BRWD3: variants seen among roughly 807,000 people sequenced by gnomAD.
The protein encoded by BRWD3 is bromodomain and WD repeat-containing protein 3.
In BRWD3, 10 loss-of-function variants were observed where a neutral mutation model predicts 149.7. The observed-to-expected ratio is 0.07, with a 90% confidence interval of 0.04 to 0.11. BRWD3 has a LOEUF of 0.11. BRWD3 is among the 10% of genes least tolerant of loss of function. The probability of loss-of-function intolerance (pLI) is 1.00; values close to 1 mark genes in which losing one functional copy is unlikely to be tolerated. For synonymous variants in BRWD3, 504 were observed against 456.7 expected (o/e 1.10, Z -1.32); for missense variants, 940 against 1,373.2 (o/e 0.68, Z 4.99).
At chrX:80,722,163 A>G (rs1304799611) in intron 17 of BRWD3, among the ~76,000 whole-genome samples, 1 of 111,958 alleles carries the variant, frequency 8.9e-6, no homozygotes, top group East Asian at 2.8e-4. Context: ...GTGGTTTTTC[A>G]AAGTTTCCTC....
At chrX:80,714,021 CTTGAAATAGCCCTGCAAAG>C (rs2073036804) in intron 20 of BRWD3, among the ~76,000 whole-genome samples, 1 of 111,513 alleles carries the variant, frequency 9.0e-6, no homozygotes, top group Admixed American at 9.5e-5. Context: ...TTTGCCATAT[CTTGAAATAGCCCTGCAAAG>C]TTGTCTCTTG....
Position 80,685,531 on chromosome X carries a change from A to G in BRWD3, c.4011T>C (p.His1337=). ...QPADLLSYPG[H]QEQEGESSES... ...CTGAGGATTCTCCCTCTTGCTCCTG[A>G]TGACCCTATTAGGGTGAAGAACATA... Residue 1337 remains histidine, a synonymous_variant, in exon 36 of 41, where the codon CAT becomes CAC. Transcript: ENST00000373275. 8.3e-7 allele frequency: 1 copy of G among 1,201,787 alleles called. No homozygotes were observed. The highest frequency in any genetic ancestry group is 1.1e-6 in the Non-Finnish European group (1 of 887,028).
chrX:80,800,742 C>T (rs1369688030), intron 4 of BRWD3, among the ~76,000 whole-genome samples: 1 of 109,425 alleles, frequency 9.1e-6, no homozygotes. Context: ...AGTGAAAAAC[C>T]GGGCAGGGGA....
At chrX:80,728,594 C>T (rs1474653042) in intron 14 of BRWD3, among the ~76,000 whole-genome samples, 158 bp downstream of exon 14, 1 of 111,284 alleles carries the variant, frequency 9.0e-6, no homozygotes, top group Admixed American at 9.6e-5. Context: ...GCGTGTCATC[C>T]CTATTTTACA....
At chrX:80,773,293 C>T (rs944645059) in intron 6 of BRWD3, among the ~76,000 whole-genome samples, 7 of 111,341 alleles carry the variant, frequency 6.3e-5, no homozygotes, top group African/African-American at 2.3e-4. Flanking sequence ...TTAAGCCAAA[C>T]ATCTCCCGGT....
intron 8 of BRWD3, among the ~76,000 whole-genome samples, chrX:80,742,874 G>T (rs1213973147): frequency 9.0e-6 from 1 of 111,141 alleles, no homozygotes; most frequent in Non-Finnish European, 1.9e-5. Flanking sequence ...TTTCCTAATT[G>T]AATACCCTTT....
chrX:80,681,242 T>C, intron 40 of BRWD3, 99 bp downstream of exon 40: 3 of 863,722 alleles, frequency 3.5e-6, no homozygotes, highest in African/African-American at 2.0e-5. Flanking sequence ...TATAAGGATA[T>C]ACTAGTTTTT....
rs2072348057 is a variant in BRWD3 at position 80,674,616 on chromosome X, A to T, written c.*1993T>A. The T allele has an allele frequency of 8.9e-6, 1 of 111,826 alleles. No homozygotes were observed. Among genetic ancestry groups the T allele is most frequent in the Non-Finnish European group, 1.9e-5 (1 of 53,059 alleles). 9.2% of individuals were successfully genotyped at this position (111,826 alleles called of 1,213,427 possible). A position where few individuals can be genotyped will look rare whatever the true frequency, so the allele number is the denominator to read the frequency against. On this transcript the variant is annotated 3_prime_UTR_variant, in exon 41 of 41. Coordinates refer to ENST00000373275, the MANE Select transcript of BRWD3 (RefSeq NM_153252.5). ...AAATCAAATGTAGTTTCAAATAGGAACGTTTTGAATCTCTACTATGGTTTA... is the reference window on the plus strand; with the variant it reads ...AAATCAAATGTAGTTTCAAATAGGATCGTTTTGAATCTCTACTATGGTTTA...
chrX:80,692,039 C>G (rs2147693770), intron 29 of BRWD3, 50 bp downstream of exon 29: 1 of 1,184,596 alleles, frequency 8.4e-7, no homozygotes, highest in South Asian at 1.8e-5. Flanking sequence ...CATGTGATTA[C>G]CATTTTACTT....
Position 80,728,942 on chromosome X carries a change from ATT to A in BRWD3, c.1233-39_1233-38del, listed in dbSNP as rs1336224478. On this transcript the variant is annotated intron_variant, in intron 13 of 40. Transcript: ENST00000373275. ...AATTTGCAGTATTCATATCTTATAA[ATT>A]TTTGACAAAGGTGCATGTTAAATAG... is the stretch of plus-strand genomic sequence containing the variant. 5 of 1,158,163 alleles carry A rather than the reference ATT, an allele frequency of 4.3e-6. No individual in the cohort carries two copies. The South Asian group carries it at 7.3e-5, about 17-fold the overall frequency.
chrX:80,729,496 G>T (rs1001359276), intron 13 of BRWD3, among the ~76,000 whole-genome samples: 2 of 111,783 alleles, frequency 1.8e-5, no homozygotes, highest in African/African-American at 6.5e-5. Context: ...TGCTGATTAA[G>T]TGGATATTTA....
intron 6 of BRWD3, among the ~76,000 whole-genome samples, chrX:80,770,761 G>T (rs967949778): frequency 2.7e-5 from 3 of 111,320 alleles, no homozygotes; most frequent in Non-Finnish European, 5.7e-5. Context: ...GGGCAATCAG[G>T]CAAGAGAAAG....
rs1389391194 is a variant in BRWD3, at chrX:80,675,227, G to C, written c.*1382C>G. Reference sequence around the variant, plus strand: ...AGATGTTTTTTATCTATAAAATAATGATTCACAACATGAGTGTGCAGTGCA... The same window carrying C: ...AGATGTTTTTTATCTATAAAATAATCATTCACAACATGAGTGTGCAGTGCA... On this transcript the variant is annotated 3_prime_UTR_variant, in exon 41 of 41. Transcript: ENST00000373275. 2 of 111,767 alleles carry C rather than the reference G, an allele frequency of 1.8e-5. No homozygotes were observed. The highest frequency in any genetic ancestry group is 3.8e-5 in the Non-Finnish European group (2 of 53,082). The allele number at this position is 111,767 out of a possible 1,213,427, so 9.2% of individuals were successfully genotyped here.
intron 10 of BRWD3, among the ~76,000 whole-genome samples, chrX:80,734,888 T>C (rs950986915): frequency 6.4e-5 from 7 of 110,050 alleles, no homozygotes; most frequent in Non-Finnish European, 1.1e-4. Context: ...AGGGGGTCTG[T>C]TTTTTACCAA....
intron 27 of BRWD3, 107 bp downstream of exon 27, chrX:80,695,801 C>G: frequency 1.5e-6 from 1 of 652,467 alleles, no homozygotes; most frequent in Non-Finnish European, 2.4e-6. Flanking sequence ...TCTCTGGTAG[C>G]TTTTTTCAGC....
At chrX:80,741,297 T>C (rs1045652986) in intron 8 of BRWD3, among the ~76,000 whole-genome samples, 2 of 112,272 alleles carry the variant, frequency 1.8e-5, no homozygotes, top group African/African-American at 3.2e-5. Flanking sequence ...ATTTTCTTAA[T>C]CCAGTCTATC....
chrX:80,727,970 C>T (rs2073273925), intron 14 of BRWD3, among the ~76,000 whole-genome samples: 1 of 111,957 alleles, frequency 8.9e-6, no homozygotes, highest in South Asian at 3.7e-4. Flanking sequence ...ACTTCTGGCA[C>T]ATAGCTGATA....
chrX:80,716,363 T>C (rs1048775654), intron 19 of BRWD3, 113 bp from the exon 20 acceptor site: 1 of 607,277 alleles, frequency 1.6e-6, no homozygotes, highest in East Asian at 3.5e-5. Context: ...GAACTATTTT[T>C]AAGCATATAA....
rs544553725 is a variant in BRWD3, at chrX:80,745,259, A to G, written c.591+310T>C. ...AGTGACACATTAACAAACATTTAAT[A>G]AATGTTTGTTAAAACTGAATGAAAT... is the stretch of plus-strand genomic sequence containing the variant. On this transcript the variant is annotated intron_variant, in intron 7 of 40. Coordinates refer to ENST00000373275, the MANE Select transcript of BRWD3 (RefSeq NM_153252.5). Among the ~76,000 whole-genome samples the G allele has an allele frequency of 2.3e-4, 26 of 111,907 alleles. No individual in the cohort carries two copies. In the South Asian group the frequency reaches 8.5e-3, roughly 37 times the overall value.
Sources: allele counts gnomAD v4.1 joint callset (sites outside exome capture counted in the v4.1 genomes callset), GRCh38; gene constraint gnomAD v4.1.1; transcripts MANE v1.5; gene names NCBI Gene and HGNC (gene_info 2026-07-23, HGNC 2026-07-21).